The following GRIK4 variants were observed in gnomAD, a reference collection of about 807,000 sequenced individuals.
The protein encoded by GRIK4 is glutamate ionotropic receptor kainate type subunit 4.
In GRIK4, 40 loss-of-function variants were observed where a neutral mutation model predicts 104.9. That is an observed-to-expected ratio of 0.38 (90% CI 0.30 to 0.50). GRIK4 has a LOEUF of 0.50. Among genes scored for constraint, GRIK4 ranks in the 20% least tolerant of loss-of-function variants. The probability of loss-of-function intolerance (pLI) is 0.93; values close to 1 mark genes in which losing one functional copy is unlikely to be tolerated. For synonymous variants in GRIK4, 485 were observed against 524.9 expected (o/e 0.92, Z 1.04); for missense variants, 1,047 against 1,308.1 (o/e 0.80, Z 3.08).
chr11:120,573,925 C>T (rs904380593), intron 1 of GRIK4, among the ~76,000 whole-genome samples: 4 of 152,222 alleles, frequency 2.6e-5, no homozygotes, highest in Admixed American at 6.5e-5. Flanking sequence ...ATGGCAGGGC[C>T]TTCGGGCTCC....
At chr11:120,944,613 G>A (rs564129518) in intron 14 of GRIK4, among the ~76,000 whole-genome samples, 1 of 152,256 alleles carries the variant, frequency 6.6e-6, no homozygotes, top group African/African-American at 2.4e-5. Flanking sequence ...TTGTGCCTTG[G>A]TTCAGGCTTT....
In GRIK4 at chr11:120,699,787, C is replaced by G. The variant is rs1002195727; in HGVS notation, c.82+39387C>G. Among the ~76,000 whole-genome samples the G allele has an allele frequency of 1.1e-4, 17 of 152,252 alleles. 1 individual carries two copies. The highest frequency in any genetic ancestry group is 1.1e-3 in the Admixed American group (17 of 15,290). On this transcript the variant is annotated intron_variant, in intron 3 of 20. Coordinates refer to ENST00000527524, the MANE Select transcript of GRIK4 (RefSeq NM_014619.5). ...AGAAGATATTGGAGAGAGGGAACAG[C>G]ATGTGCAAACGTGCAGGGACCCAGA...
chr11:120,961,666 G>C (rs1002732237), intron 17 of GRIK4, among the ~76,000 whole-genome samples: 3 of 152,174 alleles, frequency 2.0e-5, no homozygotes, highest in African/African-American at 7.2e-5. Context: ...CGATGTGTTC[G>C]CTGTCAAGCA....
intron 3 of GRIK4, among the ~76,000 whole-genome samples, chr11:120,662,164 C>T (rs560626675): frequency 3.3e-5 from 5 of 152,322 alleles, no homozygotes; most frequent in Admixed American, 2.6e-4. Context: ...GCTGACAGGT[C>T]CCTCTTTTGG....
chr11:120,584,737 T>A (rs1184910791), intron 1 of GRIK4, among the ~76,000 whole-genome samples: 1 of 152,246 alleles, frequency 6.6e-6, no homozygotes, highest in Non-Finnish European at 1.5e-5. Context: ...GGTATGTTCC[T>A]TCAGTGCATA....
rs34617192 is a variant in GRIK4, at chr11:120,700,264, CTTTTT to C, written c.82+39881_82+39885del. The stretch of plus-strand genomic sequence containing the variant: ...AAGTTCCTATAAGATTATATTACTA[CTTTTT>C]TTTTTTTTTTTTTTTTGAGATGGAG... On this transcript the variant is annotated intron_variant, in intron 3 of 20. Transcript: ENST00000527524. Among the ~76,000 whole-genome samples the C allele has an allele frequency of 8.8e-3, 1,046 of 118,254 alleles. 51 individuals are homozygous for C. The East Asian group carries it at 0.15, about 17-fold the overall frequency. 77.6% of individuals were successfully genotyped at this position (118,254 alleles called of 152,430 possible). A position where few individuals can be genotyped will look rare whatever the true frequency, so the allele number is the denominator to read the frequency against.
chr11:120,831,763 C>A, intron 6 of GRIK4, 89 bp from the exon 7 acceptor site: 1 of 975,732 alleles, frequency 1.0e-6, no homozygotes, highest in Non-Finnish European at 1.6e-6. Context: ...CACTTCCAGC[C>A]CACATCTCCG....
At chr11:120,943,159 A>ACACACAC (rs1382888508) in intron 14 of GRIK4, among the ~76,000 whole-genome samples, 1 of 49,488 alleles carries the variant, frequency 2.0e-5, no homozygotes, top group Admixed American at 2.5e-4. Flanking sequence ...CACCCCCCTG[A>ACACACAC]CTGTTTGGTG....
intron 3 of GRIK4, among the ~76,000 whole-genome samples, chr11:120,792,156 G>A (rs963960015): frequency 6.6e-6 from 1 of 152,168 alleles, no homozygotes; most frequent in African/African-American, 2.4e-5. Context: ...GGGGATGTCT[G>A]AGCCGAGATA....
chr11:120,744,137 T>C (rs1415780462), intron 3 of GRIK4, among the ~76,000 whole-genome samples: 1 of 152,154 alleles, frequency 6.6e-6, no homozygotes, highest in Non-Finnish European at 1.5e-5. Flanking sequence ...TAGAGTCTTT[T>C]AGAGATGCTT....
intron 13 of GRIK4, among the ~76,000 whole-genome samples, chr11:120,931,216 C>T (rs1398391602): frequency 6.6e-6 from 1 of 152,112 alleles, no homozygotes; most frequent in Non-Finnish European, 1.5e-5. Context: ...AGTCACAGGT[C>T]AGAGCAGGTG....
intron 1 of GRIK4, among the ~76,000 whole-genome samples, chr11:120,604,394 C>T (rs1397354490): frequency 6.6e-6 from 1 of 152,130 alleles, no homozygotes; most frequent in Non-Finnish European, 1.5e-5. Context: ...AGGTAACACT[C>T]ATCTTGGTCA....
chr11:120,843,268 A>C (rs1001902407), intron 8 of GRIK4, among the ~76,000 whole-genome samples: 2 of 152,374 alleles, frequency 1.3e-5, no homozygotes, highest in Admixed American at 6.5e-5. Flanking sequence ...TGCTCTCGGC[A>C]CCGCCGCTGT....
intron 3 of GRIK4, among the ~76,000 whole-genome samples, chr11:120,713,372 C>T (rs1350887929): frequency 6.6e-6 from 1 of 152,166 alleles, no homozygotes; most frequent in Non-Finnish European, 1.5e-5. Context: ...GTTGTCATTC[C>T]TGGCACCTGA....
intron 13 of GRIK4, among the ~76,000 whole-genome samples, chr11:120,934,268 A>G (rs1943547944): frequency 7.2e-6 from 1 of 138,280 alleles, no homozygotes; most frequent in African/African-American, 2.8e-5. Context: ...GCTGAGTGGG[A>G]GGGAGGGAAT....
chr11:120,664,620 T>C (rs1161709816), intron 3 of GRIK4, among the ~76,000 whole-genome samples: 1 of 152,234 alleles, frequency 6.6e-6, no homozygotes, highest in Non-Finnish European at 1.5e-5. Flanking sequence ...CCTGCTCTTC[T>C]AGAGCTGATG....
chr11:120,582,242 CT>C lies in GRIK4; in HGVS notation c.-159+70368del, dbSNP rs200759037. On this transcript the variant is annotated intron_variant, in intron 1 of 20. Transcript: ENST00000527524. The stretch of plus-strand genomic sequence containing the variant: ...TGAAAAGTAATAACAGTCTTTGTTT[CT>C]TTTTTTTTTTTTAAATAGTATGTAT... Among the ~76,000 whole-genome samples the C allele has an allele frequency of 6.4e-3, 862 of 134,530 alleles. 10 individuals carry two copies. Among genetic ancestry groups the C allele is most frequent in the East Asian group, 0.061 (283 of 4,628 alleles). The allele number at this position is 134,530 out of a possible 152,430, so 88.3% of individuals were successfully genotyped here. A position where few individuals can be genotyped will look rare whatever the true frequency, so the allele number is the denominator to read the frequency against.
chr11:120,560,659 G>C (rs1321961400), intron 1 of GRIK4, among the ~76,000 whole-genome samples: 1 of 152,180 alleles, frequency 6.6e-6, no homozygotes, highest in Non-Finnish European at 1.5e-5. Context: ...TTCATTAGTT[G>C]AGTGGTCTTA....
chr11:120,713,601 G>A (rs1950777921), intron 3 of GRIK4, among the ~76,000 whole-genome samples: 2 of 152,214 alleles, frequency 1.3e-5, no homozygotes, highest in South Asian at 2.1e-4. Flanking sequence ...GGTAATAGAT[G>A]TAGCTGTGTC....
Sources: allele counts gnomAD v4.1 joint callset (sites outside exome capture counted in the v4.1 genomes callset), GRCh38; gene constraint gnomAD v4.1.1; transcripts MANE v1.5; gene names NCBI Gene and HGNC (gene_info 2026-07-23, HGNC 2026-07-21).